Variants in DOCK1 observed in about 807,000 individuals in gnomAD.
DOCK1 encodes the protein dedicator of cytokinesis 1, also known as dedicator of cytokinesis protein 1.
Under a neutral mutation model 262.7 loss-of-function variants are expected in DOCK1, and 138 were observed. That is an observed-to-expected ratio of 0.53 (90% CI 0.46 to 0.61). The LOEUF (loss-of-function observed/expected upper bound fraction) is 0.61. Among genes scored for constraint, DOCK1 ranks in the 20% least tolerant of loss-of-function variants. The pLI is 0.00. For missense variants in DOCK1, 1,908 were observed against 2,370.7 expected, an observed-to-expected ratio of 0.80 and a Z score of 4.05; for synonymous variants, 866 against 867.4, an observed-to-expected ratio of 1.00 and a Z score of 0.03.
At chr10:127,078,620 A>G (rs1353701696) in intron 23 of DOCK1, among the ~76,000 whole-genome samples, 1 of 152,252 alleles carries the variant, frequency 6.6e-6, no homozygotes, top group African/African-American at 2.4e-5. Flanking sequence ...AAAAGAAGTC[A>G]TTATATGAAA....
At chr10:126,962,428 G>T (rs1028123375) in intron 1 of DOCK1, among the ~76,000 whole-genome samples, 2 of 152,238 alleles carry the variant, frequency 1.3e-5, no homozygotes, top group East Asian at 1.9e-4. Flanking sequence ...CAAAGTGCTG[G>T]GATTACAGGT....
chr10:127,292,224 G>A (rs941668541), intron 29 of DOCK1, among the ~76,000 whole-genome samples: 8 of 151,050 alleles, frequency 5.3e-5, no homozygotes, highest in African/African-American at 1.7e-4. Context: ...TAATGTTTTC[G>A]GGGGAGGGGG....
At chr10:127,270,304 G>GT (rs1252154215) in intron 29 of DOCK1, among the ~76,000 whole-genome samples, 19 of 152,310 alleles carry the variant, frequency 1.2e-4, no homozygotes, top group Non-Finnish European at 1.5e-5. Flanking sequence ...CCATCAAGGT[G>GT]TAACTCAGCG....
intron 6 of DOCK1, among the ~76,000 whole-genome samples, chr10:126,991,443 A>G (rs2039777659): frequency 6.6e-6 from 1 of 152,222 alleles, no homozygotes; most frequent in African/African-American, 2.4e-5. Context: ...ATAGCTGTTG[A>G]ATTATAGAAT....
chr10:127,126,361 C>T (rs1249384671), intron 26 of DOCK1, among the ~76,000 whole-genome samples: 1 of 152,074 alleles, frequency 6.6e-6, no homozygotes, highest in African/African-American at 2.4e-5. Flanking sequence ...TCCCAGTGAG[C>T]CACTGCACCT....
At chr10:127,026,548 G>A (rs2042879329) in intron 16 of DOCK1, 124 bp downstream of exon 16, 6 of 851,506 alleles carry the variant, frequency 7.0e-6, no homozygotes, top group South Asian at 4.6e-5. Flanking sequence ...ATTTCCCACC[G>A]GAACCTATTC....
In DOCK1 at chr10:127,279,105, G is replaced by C. The variant is rs74406772; in HGVS notation, c.3044+21676G>C. On this transcript the variant is annotated intron_variant, in intron 29 of 51. Transcript: ENST00000623213. ...TCCAGTGTAGCGTTTCCTATCAGGG[G>C]GTGTGAATCCACACACGTGGCTTTT... 3.2e-3 allele frequency among the ~76,000 whole-genome samples: 494 copies of C among 152,272 alleles called. 2 individuals are homozygous for C. Among genetic ancestry groups the C allele is most frequent in the African/African-American group, 0.01 (427 of 41,546 alleles).
intron 38 of DOCK1, among the ~76,000 whole-genome samples, chr10:127,396,417 C>T (rs2066849438): frequency 6.6e-6 from 1 of 152,218 alleles, no homozygotes; most frequent in African/African-American, 2.4e-5. Context: ...TGCAACCATG[C>T]CATTATTGCT....
In DOCK1 at chr10:127,418,347, TCTC is replaced by T. The variant is rs760919404; in HGVS notation, c.4516-14_4516-12del. 72 of 1,592,698 alleles carry T rather than the reference TCTC, an allele frequency of 4.5e-5. No homozygotes were observed. The highest frequency in any genetic ancestry group is 6.2e-5 in the Non-Finnish European group (72 of 1,167,556). Reference sequence around the variant, plus strand: ...GGCAGCTGTGGGGCTGACATCGGGCTCTCCTCTCTCTTTGCAGGTGGAAATCAG... The same window carrying T: ...GGCAGCTGTGGGGCTGACATCGGGCTCTCTCTCTTTGCAGGTGGAAATCAG... On this transcript the variant is annotated splice_polypyrimidine_tract_variant and intron_variant, in intron 44 of 51. Transcript: ENST00000623213.
At chr10:126,972,264 G>T (rs1435501335) in intron 2 of DOCK1, among the ~76,000 whole-genome samples, 1 of 152,110 alleles carries the variant, frequency 6.6e-6, no homozygotes, top group African/African-American at 2.4e-5. Flanking sequence ...GGTGACAGTG[G>T]TTTTCCAATG....
intron 1 of DOCK1, among the ~76,000 whole-genome samples, chr10:126,959,504 C>T (rs1160392930): frequency 1.3e-5 from 2 of 151,754 alleles, no homozygotes; most frequent in African/African-American, 4.8e-5. Flanking sequence ...CCCTTAGACA[C>T]GAATTTGGAC....
chr10:127,349,363 T>C (rs934472244), intron 31 of DOCK1, among the ~76,000 whole-genome samples: 2 of 152,100 alleles, frequency 1.3e-5, no homozygotes, highest in African/African-American at 4.8e-5. Context: ...TCTCAGAACA[T>C]GCTTTTCTTC....
chr10:127,288,401 C>T (rs551706188), intron 29 of DOCK1, among the ~76,000 whole-genome samples: 14 of 152,168 alleles, frequency 9.2e-5, no homozygotes, highest in Non-Finnish European at 1.8e-4. Context: ...ATCTGGACAA[C>T]GAGGGTGCTC....
At chr10:127,001,280 G>A (rs1245631164) in intron 10 of DOCK1, 2 of 152,136 alleles carry the variant, frequency 1.3e-5, no homozygotes, top group African/African-American at 2.4e-5. Context: ...TCTGAACTTA[G>A]TCCATCCCCC....
At chr10:126,906,288 C>T (rs967224121) in intron 1 of DOCK1, among the ~76,000 whole-genome samples, 2 of 152,178 alleles carry the variant, frequency 1.3e-5, no homozygotes, top group Non-Finnish European at 2.9e-5. Context: ...CATTTCGGAC[C>T]CGAGTGCGCA....
At position 127,024,753 on chromosome 10, in the gene DOCK1, A is replaced by T. The variant is rs1178686363; in HGVS notation, c.1521A>T (p.Val507=). 5.0e-6 allele frequency: 8 copies of T among 1,612,146 alleles called. No homozygotes were observed. The highest frequency in any genetic ancestry group is 6.8e-6 in the Non-Finnish European group (8 of 1,179,184). Residue 507 remains valine, a synonymous_variant, in exon 15 of 52, where the codon GTA becomes GTT. Coordinates refer to ENST00000623213, the MANE Select transcript of DOCK1 (RefSeq NM_001290223.2). ...SEYKSVIYYQ[V]KQPRWFETVK... is the part of the protein sequence containing the mutation. ...ACAAATCTGTGATTTACTACCAAGT[A>T]AAGCAGCCACGCTGGTTTGAGACTG...
At chr10:127,273,836 T>G (rs2060650660) in intron 29 of DOCK1, among the ~76,000 whole-genome samples, 2 of 150,354 alleles carry the variant, frequency 1.3e-5, no homozygotes, top group Admixed American at 1.3e-4. Context: ...GAGCGGAGAT[T>G]GCGCCGCTGC....
chr10:127,016,268 G>T (rs970970014), intron 12 of DOCK1, among the ~76,000 whole-genome samples: 1 of 152,126 alleles, frequency 6.6e-6, no homozygotes, highest in African/African-American at 2.4e-5. Context: ...GGACTCACTA[G>T]ATAGCAAGAG....
intron 23 of DOCK1, among the ~76,000 whole-genome samples, chr10:127,087,987 G>A (rs1241028865): frequency 6.6e-6 from 1 of 152,030 alleles, no homozygotes; most frequent in Non-Finnish European, 1.5e-5. Context: ...TTATTTTCTT[G>A]CCAGCGTTCG....
Sources: gnomAD v4.1 joint callset for allele counts (sites outside exome capture counted in the v4.1 genomes callset) on GRCh38, gnomAD v4.1.1 for gene constraint, MANE v1.5 for transcripts, NCBI Gene and HGNC (gene_info 2026-07-23, HGNC 2026-07-21) for gene names.